The following FAM81A variants were observed in gnomAD, a reference collection of about 807,000 sequenced individuals.
FAM81A encodes family with sequence similarity 81 member A, also known as protein FAM81A.
A neutral mutation model predicts 46.7 loss-of-function variants in FAM81A; 19 were observed. The observed-to-expected ratio is 0.41, with a 90% confidence interval of 0.28 to 0.60. FAM81A has a LOEUF of 0.60. FAM81A is among the 20% of genes least tolerant of loss of function. The probability of loss-of-function intolerance (pLI) is 0.34; values close to 1 mark genes in which losing one functional copy is unlikely to be tolerated. For synonymous variants in FAM81A, 183 were observed against 152.9 expected (o/e 1.20, Z -1.45); for missense variants, 377 against 453.5 (o/e 0.83, Z 1.53).
chr15:59,497,780 A>G (rs1393145486), intron 4 of FAM81A, among the ~76,000 whole-genome samples: 2 of 152,180 alleles, frequency 1.3e-5, no homozygotes, highest in African/African-American at 4.8e-5. Context: ...GCAGGGAGCT[A>G]TGATCATATC....
Position 59,522,976 on chromosome 15 carries a change from A to C in FAM81A, c.*1598A>C, listed in dbSNP as rs1158378049. On this transcript the variant is annotated 3_prime_UTR_variant, in exon 9 of 9. Transcript: ENST00000288228. ...TCCACTTAACAAATAAAAAAAGGCG[A>C]ATGCTGTTTTGCAATCAGAAAGTGA... The C allele has an allele frequency of 6.6e-6, 1 of 152,504 alleles. No individual in the cohort carries two copies. The highest frequency in any genetic ancestry group is 1.5e-5 in the Non-Finnish European group (1 of 68,048). The allele number at this position is 152,504 out of a possible 1,614,324, so 9.4% of individuals were successfully genotyped here.
At chr15:59,417,657 G>T (rs747563175) in intron 2 of FAM81A, among the ~76,000 whole-genome samples, 6 of 152,182 alleles carry the variant, frequency 3.9e-5, no homozygotes, top group Non-Finnish European at 8.8e-5. Flanking sequence ...AGAGGTTTCA[G>T]TGAGCCCAGA....
chr15:59,435,345 T>C (rs563869956), upstream of FAM81A, among the ~76,000 whole-genome samples: 1 of 151,840 alleles, frequency 6.6e-6, no homozygotes, highest in Non-Finnish European at 1.5e-5. Context: ...GTGGACTGGG[T>C]GCAGTGGTTC....
At chr15:59,449,781 CAAAAAAAAAAAAAAA>C (rs71119473) in intron 1 of FAM81A, among the ~76,000 whole-genome samples, 10 of 70,314 alleles carry the variant, frequency 1.4e-4, no homozygotes, top group East Asian at 1.3e-3. Context: ...GACTCTGTCT[CAAAAAAAAAAAAAAA>C]AAAAAAAAAA....
At chr15:59,493,736 C>T (rs1438007265) in intron 4 of FAM81A, among the ~76,000 whole-genome samples, 3 of 152,084 alleles carry the variant, frequency 2.0e-5, no homozygotes, top group Non-Finnish European at 4.4e-5. Context: ...TACAGGCACT[C>T]GCCACCACGG....
intron 4 of FAM81A, among the ~76,000 whole-genome samples, chr15:59,494,880 C>T (rs2082017979): frequency 1.3e-5 from 2 of 152,038 alleles, no homozygotes; most frequent in East Asian, 1.9e-4. Context: ...TTTTTTTCCC[C>T]TGTAAATCCA....
chr15:59,474,909 G>A (rs1482241773), intron 3 of FAM81A, among the ~76,000 whole-genome samples: 2 of 151,796 alleles, frequency 1.3e-5, no homozygotes, highest in African/African-American at 2.4e-5. Context: ...TTCTATAATC[G>A]ACTCTCAAAT....
chr15:59,504,645 A>T (rs1209424861), intron 4 of FAM81A, among the ~76,000 whole-genome samples: 2 of 152,156 alleles, frequency 1.3e-5, no homozygotes, highest in Admixed American at 6.5e-5. Context: ...AAGTACATTC[A>T]TTAGTAACTT....
intron 2 of FAM81A, among the ~76,000 whole-genome samples, chr15:59,415,495 G>A (rs1239747349): frequency 6.6e-6 from 1 of 152,064 alleles, no homozygotes; most frequent in African/African-American, 2.4e-5. Flanking sequence ...GTGGAACAGG[G>A]AGGCAGACGA....
intron 1 of FAM81A, among the ~76,000 whole-genome samples, chr15:59,450,137 C>A (rs1158481494): frequency 1.4e-5 from 2 of 140,408 alleles, no homozygotes; most frequent in Admixed American, 7.4e-5. Flanking sequence ...ATGGGGTTGC[C>A]ATGTTGCCCA....
intron 1 of FAM81A, among the ~76,000 whole-genome samples, chr15:59,453,248 G>T (rs1235219469): frequency 6.6e-6 from 1 of 152,168 alleles, no homozygotes; most frequent in Non-Finnish European, 1.5e-5. Context: ...GAGGTTCTAG[G>T]TCCAAATCTC....
intron 6 of FAM81A, among the ~76,000 whole-genome samples, chr15:59,509,400 C>T (rs2141823015): frequency 6.6e-6 from 1 of 152,306 alleles, no homozygotes. Context: ...TAAACATCTT[C>T]ATGTCCTAAT....
At chr15:59,515,396 A>G (rs2082256267) in intron 7 of FAM81A, among the ~76,000 whole-genome samples, 1 of 152,238 alleles carries the variant, frequency 6.6e-6, no homozygotes, top group South Asian at 2.1e-4. Context: ...CTTGTTGGAT[A>G]TTGATGATTG....
chr15:59,466,632 A>G (rs1271797703), intron 3 of FAM81A, among the ~76,000 whole-genome samples: 5 of 151,978 alleles, frequency 3.3e-5, no homozygotes, highest in African/African-American at 1.2e-4. Flanking sequence ...GTAGATTGCA[A>G]AAATTTTCTC....
At chr15:59,517,167 C>T (rs1339800152) in intron 8 of FAM81A, among the ~76,000 whole-genome samples, 1 of 152,156 alleles carries the variant, frequency 6.6e-6, no homozygotes, top group African/African-American at 2.4e-5. Flanking sequence ...AAGCACATAT[C>T]TTTGAGGGGG....
Position 59,522,011 on chromosome 15 carries a change from G to A in FAM81A, c.*633G>A, listed in dbSNP as rs1269639692. On this transcript the variant is annotated 3_prime_UTR_variant, in exon 9 of 9. Coordinates refer to ENST00000288228, the MANE Select transcript of FAM81A (RefSeq NM_152450.3). ...TGCCATGTGGATTGCAAATTAAATG[G>A]AAACTTATTTAGATAACGTAAGGCT... is the stretch of plus-strand genomic sequence containing the variant. The A allele has an allele frequency of 1.3e-5, 2 of 152,480 alleles. No individual in the cohort carries two copies. Among genetic ancestry groups the A allele is most frequent in the African/African-American group, 4.8e-5 (2 of 41,390 alleles). 9.4% of individuals were successfully genotyped at this position (152,480 alleles called of 1,614,324 possible).
At chr15:59,451,254 G>A (rs543521397) in intron 1 of FAM81A, among the ~76,000 whole-genome samples, 2 of 152,232 alleles carry the variant, frequency 1.3e-5, no homozygotes, top group South Asian at 4.1e-4. Context: ...TGTGTTTGCC[G>A]ATTCCTGTGT....
intron 2 of FAM81A, among the ~76,000 whole-genome samples, chr15:59,413,942 G>A (rs1385970340): frequency 3.3e-5 from 5 of 151,966 alleles, no homozygotes; most frequent in African/African-American, 1.2e-4. Context: ...TCCCAAAGAC[G>A]TCCACATTCT....
chr15:59,398,623 T>C (rs1596455435), intron 1 of FAM81A, among the ~76,000 whole-genome samples: 1 of 151,524 alleles, frequency 6.6e-6, no homozygotes, highest in South Asian at 2.1e-4. Flanking sequence ...TGGGGATTGG[T>C]GGCACATGCC....
Sources: gnomAD v4.1 joint callset for allele counts (sites outside exome capture counted in the v4.1 genomes callset) on GRCh38, gnomAD v4.1.1 for gene constraint, MANE v1.5 for transcripts, NCBI Gene and HGNC (gene_info 2026-07-23, HGNC 2026-07-21) for gene names.